Variants in PRRC2A observed in about 807,000 individuals in gnomAD.
PRRC2A encodes protein PRRC2A.
In PRRC2A, 59 loss-of-function variants were observed where a neutral mutation model predicts 224.6. The observed-to-expected ratio is 0.26, with a 90% confidence interval of 0.21 to 0.33. The LOEUF is 0.33. Ranked by LOEUF, PRRC2A falls within the 10% of genes least tolerant of loss-of-function variation. The probability of loss-of-function intolerance (pLI) is 1.00; values close to 1 mark genes in which losing one functional copy is unlikely to be tolerated. For synonymous variants in PRRC2A, 1,194 were observed against 1,109.5 expected (o/e 1.08, Z -1.51); for missense variants, 3,095 against 2,880.7 (o/e 1.07, Z -1.70).
chr6:31,627,697 T>C lies in PRRC2A; in HGVS notation c.1291-68T>C, dbSNP rs1776068867. 4.5e-6 allele frequency: 7 copies of C among 1,559,282 alleles called. No individual in the cohort carries two copies. The highest frequency in any genetic ancestry group is 1.2e-5 in the South Asian group (1 of 85,464). On this transcript the variant is annotated intron_variant, in intron 11 of 30. Coordinates refer to ENST00000376033, the MANE Select transcript of PRRC2A (RefSeq NM_004638.4). This position sits in a 1 kb window ranked among gnomAD's most constrained non-coding sequence, Gnocchi z 5.6. ...CTGCAAGTAGCGACAGTTGATTTGT[T>C]GTAAAAGAGATGATAGAAAGCATAG...
At chr6:31,626,660 T>C in intron 9 of PRRC2A, 112 bp from the exon 10 acceptor site, 1 of 957,406 alleles carries the variant, frequency 1.0e-6, no homozygotes, top group Non-Finnish European at 1.6e-6. Context: ...GATCTAGACT[T>C]CGGAGGGAAG....
Position 31,633,514 on chromosome 6 carries a change from C to T in PRRC2A, c.4455C>T (p.Ser1485=). 6.2e-7 allele frequency: 1 copy of T among 1,613,092 alleles called. No individual in the cohort carries two copies. Among genetic ancestry groups the T allele is most frequent in the Non-Finnish European group, 8.5e-7 (1 of 1,180,042 alleles). ...AACAGGCTCTGGCCCAGCTTAGTAG[C>T]CGTCAAGGGAGTGTAACTGCACCAG... ...GIQQALAQLS[S]RQGSVTAPGG... is the part of the protein sequence containing the mutation. The change falls in exon 17 of 31, where the codon AGC becomes AGT. Residue 1485 remains serine, a synonymous_variant. Transcript: ENST00000376033.
In PRRC2A at chr6:31,632,874, C is replaced by A. The variant is rs776840512; in HGVS notation, c.4201C>A (p.Pro1401Thr). The A allele has an allele frequency of 1.0e-4, 169 of 1,612,862 alleles. No homozygotes were observed. The highest frequency in any genetic ancestry group is 1.4e-4 in the Non-Finnish European group (165 of 1,179,988). ...GMERQNRRPG[P>T]GGKAGSSGSS... Reference sequence around the variant, plus strand: ...GGAACGGCAGAATCGGCGCCCTGGCCCAGGGGGCAAGGCTGGCAGCAGTGG... The same window carrying A: ...GGAACGGCAGAATCGGCGCCCTGGCACAGGGGGCAAGGCTGGCAGCAGTGG... The change falls in exon 16 of 31, where the codon CCA (proline) becomes ACA (threonine). Residue 1401 changes from proline to threonine, a missense_variant. Coordinates refer to ENST00000376033, the MANE Select transcript of PRRC2A (RefSeq NM_004638.4).
chr6:31,633,291 T>C (rs986615849), intron 16 of PRRC2A, 88 bp from the exon 17 acceptor site: 9 of 1,526,478 alleles, frequency 5.9e-6, no homozygotes, highest in Non-Finnish European at 8.0e-6. Flanking sequence ...GGGAAGAGAA[T>C]AGGTTGTAAG....
At position 31,637,070 on chromosome 6, in the gene PRRC2A, A is replaced by G. The variant is rs765486931; in HGVS notation, c.6176A>G (p.Gln2059Arg). 1.2e-6 allele frequency: 2 copies of G among 1,609,364 alleles called. No individual in the cohort carries two copies. The highest frequency in any genetic ancestry group is 2.2e-5 in the South Asian group (2 of 90,528). Residue 2059 changes from glutamine (Q) to arginine (R), a missense_variant, in exon 29 of 31, where the codon CAG becomes CGG. Around this residue, in one of 8 missense-constraint regions of PRRC2A, gnomAD observed 662 missense variants for 609.5 expected, o/e 1.09. Transcript: ENST00000376033. The part of the protein sequence containing the change: ...ELHPVELKPF[Q>R]DYQKLSSNLG... Reference sequence around the variant, plus strand: ...CATCCAGTGGAACTAAAGCCGTTCCAGGATTATCAAAAACTGAGCAGCAAC... The same window carrying G: ...CATCCAGTGGAACTAAAGCCGTTCCGGGATTATCAAAAACTGAGCAGCAAC...
rs1245801701 is a variant in PRRC2A, at chr6:31,627,666, T to A, written c.1291-99T>A. 2 of 1,456,028 alleles carry A rather than the reference T, an allele frequency of 1.4e-6. No individual in the cohort carries two copies. Among genetic ancestry groups the A allele is most frequent in the Non-Finnish European group, 1.8e-6 (2 of 1,086,920 alleles). 90.2% of individuals were successfully genotyped at this position (1,456,028 alleles called of 1,614,324 possible). A position where few individuals can be genotyped will look rare whatever the true frequency, so the allele number is the denominator to read the frequency against. Reference sequence around the variant, plus strand: ...AGATCAACCCCAAAGCCTGGGTCGTTGCATCCTGCAAGTAGCGACAGTTGA... The same window carrying A: ...AGATCAACCCCAAAGCCTGGGTCGTAGCATCCTGCAAGTAGCGACAGTTGA... On this transcript the variant is annotated intron_variant, in intron 11 of 30. Coordinates refer to ENST00000376033, the MANE Select transcript of PRRC2A (RefSeq NM_004638.4). The surrounding 1 kb of genome is among the most constrained non-coding windows in gnomAD (Gnocchi z 5.6).
chr6:31,625,278 C>G lies in PRRC2A; in HGVS notation c.571C>G (p.Gln191Glu), dbSNP rs1775774486. The change falls in exon 6 of 31, where the codon CAG becomes GAG. Residue 191 changes from glutamine (Q) to glutamate (E), a missense_variant. Coordinates refer to ENST00000376033, the MANE Select transcript of PRRC2A (RefSeq NM_004638.4). This position sits in a 1 kb window ranked among gnomAD's most constrained non-coding sequence, Gnocchi z 4.1. The stretch of plus-strand genomic sequence containing the variant: ...TGCCAAGGAAAGGGAGTCTGCCGAA[C>G]AGTCGTCTGGGCCCGGACCAAGCCT... ...KAAKERESAE[Q>E]SSGPGPSLRP... The G allele has an allele frequency of 6.2e-7, 1 of 1,613,308 alleles. No individual in the cohort carries two copies. Among genetic ancestry groups the G allele is most frequent in the African/African-American group, 1.3e-5 (1 of 74,944 alleles).
At position 31,625,179 on chromosome 6, in the gene PRRC2A, G is replaced by A. The variant is rs1163547901; in HGVS notation, c.472G>A (p.Ala158Thr). 1.2e-6 allele frequency: 2 copies of A among 1,612,512 alleles called. No homozygotes were observed. The highest frequency in any genetic ancestry group is 1.7e-6 in the Non-Finnish European group (2 of 1,179,568). The change falls in exon 6 of 31, where the codon GCA becomes ACA. Residue 158 changes from alanine (A) to threonine (T), a missense_variant. Around this residue, in one of 8 missense-constraint regions of PRRC2A, gnomAD observed 287 missense variants for 275.3 expected, o/e 1.04. Transcript: ENST00000376033. This position sits in a 1 kb window ranked among gnomAD's most constrained non-coding sequence, Gnocchi z 4.1. ...THGAHGDGGR[A>T]SSLLSRFSRE... is the part of the protein sequence containing the mutation. Reference sequence around the variant, plus strand: ...CATCCCCATCCTAATAGGTGGAAGGGCATCAAGCCTACTGTCACGATTCTC... The same window carrying A: ...CATCCCCATCCTAATAGGTGGAAGGACATCAAGCCTACTGTCACGATTCTC...
chr6:31,634,291 C>T lies in PRRC2A; in HGVS notation c.4775C>T (p.Pro1592Leu). The part of the protein sequence containing the change: ...SGFLGSKPEG[P>L]GPQAESRDTG... The stretch of plus-strand genomic sequence containing the variant: ...TTCTTGGGCTCTAAGCCTGAGGGCC[C>T]AGGCCCTCAGGCAGAGTCCAGAGAT... The change falls in exon 19 of 31, where the codon CCA becomes CTA. Residue 1592 changes from proline to leucine, a missense_variant. By Grantham distance (98) the Pro-to-Leu change is moderately conservative. Around this residue, in one of 8 missense-constraint regions of PRRC2A, gnomAD observed 2,001 missense variants for 1,764.9 expected, o/e 1.13. Transcript: ENST00000376033. 1.2e-6 allele frequency: 2 copies of T among 1,610,678 alleles called. No individual in the cohort carries two copies. The highest frequency in any genetic ancestry group is 1.7e-6 in the Non-Finnish European group (2 of 1,179,284).
chr6:31,627,799 C>T lies in PRRC2A; in HGVS notation c.1325C>T (p.Pro442Leu). 6.2e-7 allele frequency: 1 copy of T among 1,613,020 alleles called. No individual in the cohort carries two copies. Among genetic ancestry groups the T allele is most frequent in the Non-Finnish European group, 8.5e-7 (1 of 1,180,010 alleles). ...GGTCCTCCCTGCAAGCCCCCAGCAC[C>T]TGAAGATGAGGATGAGGCATGGCGG... ...RGGPPCKPPA[P>L]EDEDEAWRQR... The change falls in exon 12 of 31, where the codon CCT becomes CTT. Residue 442 changes from proline to leucine, a missense_variant. By Grantham distance (98) the Pro-to-Leu change is moderately conservative. Coordinates refer to ENST00000376033, the MANE Select transcript of PRRC2A (RefSeq NM_004638.4). The surrounding 1 kb of genome is among the most constrained non-coding windows in gnomAD (Gnocchi z 5.6).
rs1019452705 is a variant in PRRC2A, at chr6:31,627,490, G to A, written c.1291-275G>A. On this transcript the variant is annotated intron_variant, in intron 11 of 30. Transcript: ENST00000376033. The surrounding 1 kb of genome is among the most constrained non-coding windows in gnomAD (Gnocchi z 5.6). Reference sequence around the variant, plus strand: ...ATAAAAAGACTAGGGTGGCTAGATAGCTGGATCTGTTAGTATGCATCAGTA... The same window carrying A: ...ATAAAAAGACTAGGGTGGCTAGATAACTGGATCTGTTAGTATGCATCAGTA... 6.6e-6 allele frequency among the ~76,000 whole-genome samples: 1 copy of A among 152,172 alleles called. No homozygotes were observed. The highest frequency in any genetic ancestry group is 1.5e-5 in the Non-Finnish European group (1 of 68,028).
In PRRC2A at chr6:31,629,258, G is replaced by A. The variant is rs1011254957; in HGVS notation, c.1880G>A (p.Arg627His). The A allele has an allele frequency of 4.3e-6, 7 of 1,610,310 alleles. No individual in the cohort carries two copies. Among genetic ancestry groups the A allele is most frequent in the Admixed American group, 1.7e-5 (1 of 59,244 alleles). The change falls in exon 13 of 31, where the codon CGC becomes CAC. Residue 627 changes from arginine (R) to histidine (H), a missense_variant. By Grantham distance (29) the Arg-to-His change is conservative (BLOSUM62 0). Transcript: ENST00000376033. Reference protein sequence around the residue: ...EPKGDGIGPTRQPPSQGLGYP... With the variant: ...EPKGDGIGPTHQPPSQGLGYP... ...AAGGGTGATGGGATTGGTCCCACCCGCCAGCCCCCTAGTCAGGGCTTGGGC... is the reference window on the plus strand; with the variant it reads ...AAGGGTGATGGGATTGGTCCCACCCACCAGCCCCCTAGTCAGGGCTTGGGC...
Position 31,637,442 on chromosome 6 carries a change from C to G in PRRC2A, c.6334-4C>G, listed in dbSNP as rs1339875368. The G allele has an allele frequency of 2.5e-6, 4 of 1,583,890 alleles. No individual in the cohort carries two copies. The highest frequency in any genetic ancestry group is 8.6e-7 in the Non-Finnish European group (1 of 1,162,572). ...TCACTGTTTAACACATGCCTGTCCC[C>G]TAGGCCTCCCCACCAGATGCCCTGC... On this transcript the variant is annotated splice_polypyrimidine_tract_variant and splice_region_variant and intron_variant, in intron 30 of 30. Transcript: ENST00000376033.
chr6:31,637,160 C>T, intron 29 of PRRC2A, 24 bp downstream of exon 29: 1 of 1,609,268 alleles, frequency 6.2e-7, no homozygotes, highest in Non-Finnish European at 8.5e-7. Context: ...GGGATGTGGA[C>T]TTTCCAAGTG....
rs373888789 is a variant in PRRC2A at position 31,635,764 on chromosome 6, C to T, written c.5541+15C>T. On this transcript the variant is annotated intron_variant, in intron 24 of 30. Transcript: ENST00000376033. ...CCAGTTCTCAGGTAGGCCCCGCTTC[C>T]CATTGCATGACCCCTTCAGTGAATA... is the stretch of plus-strand genomic sequence containing the variant. The T allele has an allele frequency of 6.4e-7, 1 of 1,568,424 alleles. No homozygotes were observed. The highest frequency in any genetic ancestry group is 8.6e-7 in the Non-Finnish European group (1 of 1,158,888).
chr6:31,629,131 T>C lies in PRRC2A; in HGVS notation c.1766-13T>C. Reference sequence around the variant, plus strand: ...TTGGACTAGATCACTCTGTTGTGTTTTTTCCGATGCAGTGGAACCACAACT... The same window carrying C: ...TTGGACTAGATCACTCTGTTGTGTTCTTTCCGATGCAGTGGAACCACAACT... On this transcript the variant is annotated splice_polypyrimidine_tract_variant and intron_variant, in intron 12 of 30. Transcript: ENST00000376033. 6.2e-7 allele frequency: 1 copy of C among 1,613,840 alleles called. No homozygotes were observed. The highest frequency in any genetic ancestry group is 8.5e-7 in the Non-Finnish European group (1 of 1,179,956).
Position 31,636,039 on chromosome 6 carries a change from C to T in PRRC2A, c.5614C>T (p.His1872Tyr). 1 of 1,611,702 alleles carries T rather than the reference C, an allele frequency of 6.2e-7. No homozygotes were observed. Among genetic ancestry groups the T allele is most frequent in the South Asian group, 1.1e-5 (1 of 91,020 alleles). ...GGFRPGTPSL[H>Y]PYRSQPLYLP... ...CTTCCGCCCTGGGACACCCTCACTG[C>T]ACCCTTACAGGTAAGACTCGATGCC... Residue 1872 changes from histidine to tyrosine, a missense_variant, in exon 25 of 31, where the codon CAC (histidine) becomes TAC (tyrosine). Coordinates refer to ENST00000376033, the MANE Select transcript of PRRC2A (RefSeq NM_004638.4). This position sits in a 1 kb window ranked among gnomAD's most constrained non-coding sequence, Gnocchi z 4.3.
Position 31,634,833 on chromosome 6 carries a change from T to G in PRRC2A, c.5016T>G (p.Pro1672=). The G allele has an allele frequency of 6.2e-7, 1 of 1,612,982 alleles. No homozygotes were observed. Among genetic ancestry groups the G allele is most frequent in the African/African-American group, 1.3e-5 (1 of 75,028 alleles). The change falls in exon 21 of 31, where the codon CCT becomes CCG. Residue 1672 remains proline, a synonymous_variant. Coordinates refer to ENST00000376033, the MANE Select transcript of PRRC2A (RefSeq NM_004638.4). ...GTCCCTGCAGCCAGCGAAGTTCCCC[T>G]GATGGAGGACTCAAGGGGGCAGCAG... ...SSGPCSQRSS[P]DGGLKGAAEG...
chr6:31,633,609 G>A lies in PRRC2A; in HGVS notation c.4550G>A (p.Arg1517Gln), dbSNP rs760404826. ...GGCCCCTCTCCTAGGCCCCCAACCC[G>A]ATACGAGCCCCAGAGGGTCAACAGC... Reference protein sequence around the residue: ...PQGPSPRPPTRYEPQRVNSGL... With the variant: ...PQGPSPRPPTQYEPQRVNSGL... Residue 1517 changes from arginine to glutamine, a missense_variant, in exon 17 of 31, where the codon CGA (arginine) becomes CAA (glutamine). This residue lies in a region of PRRC2A where 2,001 missense variants were observed against 1,764.9 expected (regional missense o/e 1.13). Transcript: ENST00000376033. 9 of 1,612,598 alleles carry A rather than the reference G, an allele frequency of 5.6e-6. No homozygotes were observed. Among genetic ancestry groups the A allele is most frequent in the South Asian group, 3.3e-5 (3 of 91,068 alleles).
Sources: gnomAD v4.1 joint callset for allele counts (sites outside exome capture counted in the v4.1 genomes callset) on GRCh38, gnomAD v4.1.1 for gene constraint, gnomAD v4.1.1 regional missense constraint, Gnocchi (gnomAD v3.1) non-coding constraint, MANE v1.5 for transcripts, NCBI Gene and HGNC (gene_info 2026-07-23, HGNC 2026-07-21) for gene names.